AGBL1: variants seen among roughly 807,000 people sequenced by gnomAD.
The protein encoded by AGBL1 is cytosolic carboxypeptidase 4.
AGBL1 carries 130 observed loss-of-function variants against 118.9 expected under a neutral mutation model. That is an observed-to-expected ratio of 1.09 (90% CI 0.95 to 1.26). The LOEUF is 1.26. Ranked by LOEUF, AGBL1 falls within the 50% of genes most tolerant of loss-of-function variation. The pLI is 0.00. For synonymous variants in AGBL1, 555 were observed against 478.9 expected, an observed-to-expected ratio of 1.16 and a Z score of -2.08; for missense variants, 1,584 against 1,298.1, an observed-to-expected ratio of 1.22 and a Z score of -3.38.
At chr15:86,090,638 C>A (rs998863222) in intron 1 of AGBL1, among the ~76,000 whole-genome samples, 4 of 152,080 alleles carry the variant, frequency 2.6e-5, no homozygotes, top group Non-Finnish European at 5.9e-5. Context: ...AGTACGTTTT[C>A]TTCTAGCATT....
In AGBL1 at chr15:86,731,746, A is replaced by G. The variant is rs932839785; in HGVS notation, c.3158+57310A>G. 5.9e-5 allele frequency among the ~76,000 whole-genome samples: 9 copies of G among 152,352 alleles called. No individual in the cohort carries two copies. In the East Asian group the frequency reaches 1.3e-3, roughly 23 times the overall value. ...GAGTAAGTCACTGACCTAAGATAAC[A>G]GAGTAGCTTGCATTTTTACAGATGT... On this transcript the variant is annotated intron_variant, in intron 22 of 22. Transcript: ENST00000614907.
chr15:86,129,277 G>A (rs1465268876), intron 1 of AGBL1, among the ~76,000 whole-genome samples: 7 of 152,152 alleles, frequency 4.6e-5, no homozygotes, highest in African/African-American at 1.7e-4. Flanking sequence ...AACCCTCTGT[G>A]TGTGTGCGTT....
chr15:86,360,837 C>CT (rs1157618124), intron 17 of AGBL1, among the ~76,000 whole-genome samples: 1 of 151,912 alleles, frequency 6.6e-6, no homozygotes, highest in East Asian at 1.9e-4. Context: ...CCTTGTAATC[C>CT]TTTTTATTTC....
chr15:86,475,255 T>C (rs774289486), intron 18 of AGBL1, among the ~76,000 whole-genome samples: 3 of 152,142 alleles, frequency 2.0e-5, no homozygotes, highest in Non-Finnish European at 2.9e-5. Context: ...AGAAGAAGGC[T>C]TCAGACGATT....
intron 21 of AGBL1, among the ~76,000 whole-genome samples, chr15:86,664,722 G>A (rs2085611956): frequency 1.3e-5 from 2 of 152,010 alleles, no homozygotes; most frequent in Admixed American, 1.3e-4. Context: ...AACTAGATAG[G>A]CCTAACCAGC....
chr15:86,705,546 C>T (rs1312725303), intron 22 of AGBL1, among the ~76,000 whole-genome samples: 1 of 152,148 alleles, frequency 6.6e-6, no homozygotes, highest in Non-Finnish European at 1.5e-5. Flanking sequence ...GTATGTTTAT[C>T]ATTTAGCATT....
Position 86,721,147 on chromosome 15 carries a change from A to T in AGBL1, c.3158+46711A>T, listed in dbSNP as rs535119526. On this transcript the variant is annotated intron_variant, in intron 22 of 22. Transcript: ENST00000614907. ...AGAGGGAATCCTCCCTAACTCATTTAATGAGGCCAGCATCATCCTGATACC... is the reference window on the plus strand; with the variant it reads ...AGAGGGAATCCTCCCTAACTCATTTTATGAGGCCAGCATCATCCTGATACC... Among the ~76,000 whole-genome samples, 146 of 152,226 alleles carry T rather than the reference A, an allele frequency of 9.6e-4. 4 individuals are homozygous for T. In the South Asian group the frequency reaches 0.027, roughly 28 times the overall value.
In AGBL1 at chr15:86,854,449, A is replaced by G. The variant is rs183121374; in HGVS notation, c.3159-52638A>G. Among the ~76,000 whole-genome samples, 1,143 of 152,252 alleles carry G rather than the reference A, an allele frequency of 7.5e-3. 53 individuals carry two copies. Among genetic ancestry groups the G allele is most frequent in the Admixed American group, 0.068 (1,033 of 15,280 alleles). On this transcript the variant is annotated intron_variant, in intron 22 of 22. Coordinates refer to ENST00000614907, the MANE Select transcript of AGBL1 (RefSeq NM_001386094.1). ...TCCTTAATTAGCACTCTGATGGGTG[A>G]CAGGAGGCCCAACTGGATGTGTTCC...
chr15:86,478,745 A>G (rs2082599918), intron 18 of AGBL1, among the ~76,000 whole-genome samples: 1 of 152,196 alleles, frequency 6.6e-6, no homozygotes, highest in South Asian at 2.1e-4. Context: ...TAAAGTTCAT[A>G]TGGAACCAAA....
chr15:86,832,686 G>T (rs1259836317), intron 22 of AGBL1, among the ~76,000 whole-genome samples: 1 of 152,136 alleles, frequency 6.6e-6, no homozygotes, highest in African/African-American at 2.4e-5. Flanking sequence ...TCAGCATTTT[G>T]GTCAAAGCCA....
At chr15:86,779,879 T>G (rs1049606974) in intron 22 of AGBL1, among the ~76,000 whole-genome samples, 4 of 151,888 alleles carry the variant, frequency 2.6e-5, no homozygotes, top group African/African-American at 9.7e-5. Flanking sequence ...TGATTGTGTT[T>G]TTCTGATTGA....
intron 24 of AGBL1, among the ~76,000 whole-genome samples, chr15:87,022,189 C>G (rs1472156686): frequency 6.6e-6 from 1 of 151,994 alleles, no homozygotes; most frequent in South Asian, 2.1e-4. Context: ...TACACCTTCC[C>G]TCTGACAGAG....
chr15:86,170,163 A>G (rs2141749006), intron 5 of AGBL1, among the ~76,000 whole-genome samples: 1 of 152,390 alleles, frequency 6.6e-6, no homozygotes. Context: ...GTAATGACAC[A>G]GAAGATATAA....
At chr15:86,655,868 C>T (rs534561860) in intron 21 of AGBL1, among the ~76,000 whole-genome samples, 2 of 152,222 alleles carry the variant, frequency 1.3e-5, no homozygotes, top group African/African-American at 2.4e-5. Flanking sequence ...AGTTTTGCTG[C>T]TATACCACAT....
At chr15:86,966,990 G>T (rs903524833) in intron 23 of AGBL1, among the ~76,000 whole-genome samples, 4 of 152,048 alleles carry the variant, frequency 2.6e-5, no homozygotes, top group Non-Finnish European at 4.4e-5. Context: ...AGTACCTGTT[G>T]TTTCCTGACT....
chr15:86,750,403 G>C (rs1375174361), intron 22 of AGBL1, among the ~76,000 whole-genome samples: 1 of 150,452 alleles, frequency 6.6e-6, no homozygotes, highest in African/African-American at 2.4e-5. Flanking sequence ...AATAGAACCT[G>C]GTAATTTCTG....
intron 22 of AGBL1, among the ~76,000 whole-genome samples, chr15:86,818,790 G>A (rs2078900512): frequency 6.6e-6 from 1 of 152,116 alleles, no homozygotes; most frequent in African/African-American, 2.4e-5. Context: ...GACACCAATG[G>A]GTTCAAATTG....
chr15:86,527,486 C>T (rs1426315134), intron 19 of AGBL1, among the ~76,000 whole-genome samples: 1 of 152,180 alleles, frequency 6.6e-6, no homozygotes, highest in South Asian at 2.1e-4. Context: ...ACAAAGCTCT[C>T]TAATGGGCTC....
At chr15:86,898,850 G>C (rs138738107) in intron 22 of AGBL1, among the ~76,000 whole-genome samples, 1 of 152,062 alleles carries the variant, frequency 6.6e-6, no homozygotes, top group African/African-American at 2.4e-5. Flanking sequence ...ATACCATCTC[G>C]CACCAGACAG....
Sources: allele counts gnomAD v4.1 joint callset (sites outside exome capture counted in the v4.1 genomes callset), GRCh38; gene constraint gnomAD v4.1.1; transcripts MANE v1.5; gene names NCBI Gene and HGNC (gene_info 2026-07-23, HGNC 2026-07-21).